Variants in SPATA7 observed in about 807,000 individuals in gnomAD.
SPATA7 encodes the protein spermatogenesis-associated protein 7.
A neutral mutation model predicts 51.8 loss-of-function variants in SPATA7; 43 were observed. The ratio of observed to expected loss-of-function variants is 0.83; its 90% confidence interval spans 0.65 to 1.07. SPATA7 has a LOEUF of 1.07. SPATA7 is among the 50% of genes least tolerant of loss of function. The probability of loss-of-function intolerance (pLI) is 0.00; values close to 1 mark genes in which losing one functional copy is unlikely to be tolerated. For missense variants in SPATA7, 683 were observed against 701.3 expected (o/e 0.97, Z 0.30); for synonymous variants, 230 against 252.8 (o/e 0.91, Z 0.86).
At chr14:88,393,034 TTAAG>T (rs1019302921) in intron 2 of SPATA7, among the ~76,000 whole-genome samples, 1 of 152,120 alleles carries the variant, frequency 6.6e-6, no homozygotes, top group African/African-American at 2.4e-5. Flanking sequence ...ATTCCGTTGA[TTAAG>T]TATTAACAAT....
intron 2 of SPATA7, 42 bp downstream of exon 2, chr14:88,391,497 T>G (rs2075744168): frequency 1.3e-6 from 2 of 1,536,624 alleles, no homozygotes; most frequent in Non-Finnish European, 1.8e-6. Context: ...TAGAAGATTG[T>G]CTGAGTGTTT....
downstream of SPATA7, among the ~76,000 whole-genome samples, chr14:88,456,153 C>T: frequency 6.6e-6 from 1 of 152,094 alleles, no homozygotes; most frequent in Non-Finnish European, 1.5e-5. Context: ...GGTTCCAAGT[C>T]TTTGCTATTA....
intron 3 of SPATA7, among the ~76,000 whole-genome samples, chr14:88,447,997 C>T (rs1321461642): frequency 9.2e-5 from 14 of 151,672 alleles, no homozygotes; most frequent in Admixed American, 2.0e-4. Context: ...ATCTTTGTGG[C>T]GTTCTCTGTA....
downstream of SPATA7, among the ~76,000 whole-genome samples, chr14:88,439,580 C>A (rs1017541043): frequency 2.6e-5 from 4 of 152,116 alleles, no homozygotes; most frequent in African/African-American, 9.7e-5. Flanking sequence ...CCCAGGTATT[C>A]TTCTAAAAAC....
At chr14:88,442,545 A>T (rs1319294359), downstream of SPATA7, among the ~76,000 whole-genome samples, 1 of 152,186 alleles carries the variant, frequency 6.6e-6, no homozygotes. Context: ...TATTCAGATG[A>T]TCATGTGATT....
chr14:88,438,741 C>T (rs1595305927), downstream of SPATA7, among the ~76,000 whole-genome samples: 1 of 152,170 alleles, frequency 6.6e-6, no homozygotes, highest in African/African-American at 2.4e-5. Context: ...TTGAGGGCTT[C>T]GTTGTCTTGC....
chr14:88,399,709 C>T lies in SPATA7; in HGVS notation c.238+3506C>T, dbSNP rs187225777. On this transcript the variant is annotated intron_variant, in intron 4 of 11. Transcript: ENST00000393545. ...GGTTGGGATTACAGGCGTGAGCCACCGCGCCTGGCCTTAAAATGATCTCTA... is the reference window on the plus strand; with the variant it reads ...GGTTGGGATTACAGGCGTGAGCCACTGCGCCTGGCCTTAAAATGATCTCTA... Among the ~76,000 whole-genome samples, 487 of 152,180 alleles carry T rather than the reference C, an allele frequency of 3.2e-3. 5 individuals are homozygous for T. The highest frequency in any genetic ancestry group is 0.011 in the African/African-American group (472 of 41,528).
chr14:88,431,216 T>G lies in SPATA7; in HGVS notation c.1073T>G (p.Ile358Ser). 4.3e-6 allele frequency: 7 copies of G among 1,613,520 alleles called. No homozygotes were observed. The highest frequency in any genetic ancestry group is 5.9e-6 in the Non-Finnish European group (7 of 1,179,574). ...YSLKPPSTRK[I>S]YSDEEELLYL... The stretch of plus-strand genomic sequence containing the variant: ...CTGAAGCCCCCTTCAACTCGTAAAA[T>G]CTACTCTGAGTAAGATCTTTTTTAA... The change falls in exon 9 of 12, where the codon ATC becomes AGC. Residue 358 changes from isoleucine to serine, a missense_variant. Physicochemically the swap from Ile to Ser is moderately radical, Grantham distance 142 (BLOSUM62 -2). Transcript: ENST00000393545.
At chr14:88,429,070 T>G (rs1390234498) in intron 7 of SPATA7, 5 of 229,134 alleles carry the variant, frequency 2.2e-5, no homozygotes, top group Non-Finnish European at 3.5e-5. Flanking sequence ...AAGTTGAAAA[T>G]TTGCTTCATT....
chr14:88,459,662 T>C (rs1027149506), downstream of SPATA7, among the ~76,000 whole-genome samples: 1 of 152,204 alleles, frequency 6.6e-6, no homozygotes, highest in Non-Finnish European at 1.5e-5. Context: ...TCTTGACTCT[T>C]TATCCGTTTT....
chr14:88,393,775 G>T, intron 3 of SPATA7: 1 of 257,938 alleles, frequency 3.9e-6, no homozygotes, highest in East Asian at 9.3e-5. Flanking sequence ...TATATAATCT[G>T]CTTTTTTGTT....
intron 2 of SPATA7, 48 bp from the exon 3 acceptor site, chr14:88,393,345 A>G (rs1175455072): frequency 7.8e-7 from 1 of 1,288,738 alleles, no homozygotes; most frequent in Non-Finnish European, 1.1e-6. Flanking sequence ...TTATCTCATG[A>G]TTTTTATATT....
At chr14:88,413,952 GCTACTAT>G (rs1342327707) in intron 4 of SPATA7, among the ~76,000 whole-genome samples, 1 of 151,980 alleles carries the variant, frequency 6.6e-6, no homozygotes, top group Admixed American at 6.6e-5. Context: ...GATTCAGTTT[GCTACTAT>G]TTGTTGAGCA....
intron 4 of SPATA7, among the ~76,000 whole-genome samples, chr14:88,405,775 G>A (rs2076184468): frequency 6.6e-6 from 1 of 152,204 alleles, no homozygotes; most frequent in Admixed American, 6.5e-5. Context: ...CAACCCTTAG[G>A]AGGCAGTTGG....
chr14:88,401,905 A>C (rs2076071881), intron 4 of SPATA7, among the ~76,000 whole-genome samples: 1 of 151,736 alleles, frequency 6.6e-6, no homozygotes, highest in Admixed American at 6.6e-5. Flanking sequence ...TATATGTAGA[A>C]TACCCTAATG....
downstream of SPATA7, among the ~76,000 whole-genome samples, chr14:88,458,976 T>C (rs1738426121): frequency 1.3e-5 from 2 of 152,226 alleles, no homozygotes; most frequent in Non-Finnish European, 2.9e-5. Flanking sequence ...AATTTTGTTA[T>C]ATACCCATTA....
chr14:88,439,982 C>T (rs978944175), downstream of SPATA7, among the ~76,000 whole-genome samples: 2 of 152,146 alleles, frequency 1.3e-5, no homozygotes, highest in South Asian at 2.1e-4. Context: ...CCTGAAATAA[C>T]CTTGGCTCTA....
chr14:88,403,567 T>C (rs1184238691), intron 4 of SPATA7, among the ~76,000 whole-genome samples: 1 of 152,172 alleles, frequency 6.6e-6, no homozygotes, highest in Non-Finnish European at 1.5e-5. Flanking sequence ...AAGGAAATCC[T>C]GTCATTTCTG....
chr14:88,445,330 G>A (rs2077204158), intron 3 of SPATA7, among the ~76,000 whole-genome samples: 1 of 151,512 alleles, frequency 6.6e-6, no homozygotes, highest in South Asian at 2.1e-4. Flanking sequence ...TTTGTACATT[G>A]ATTTTGTATC....
Sources: allele counts gnomAD v4.1 joint callset (sites outside exome capture counted in the v4.1 genomes callset), GRCh38; gene constraint gnomAD v4.1.1; transcripts MANE v1.5; gene names NCBI Gene and HGNC (gene_info 2026-07-23, HGNC 2026-07-21).